Variants in ATRNL1 observed in about 807,000 individuals in gnomAD.
ATRNL1 encodes attractin like 1, also known as attractin-like protein 1.
ATRNL1 carries 95 observed loss-of-function variants against 182.7 expected under a neutral mutation model. The ratio of observed to expected loss-of-function variants is 0.52; its 90% confidence interval spans 0.44 to 0.62. The LOEUF is 0.62. ATRNL1 is among the 20% of genes least tolerant of loss of function. ATRNL1 has a pLI of 0.00. For synonymous variants in ATRNL1, 576 were observed against 568.3 expected (o/e 1.01, Z -0.19); for missense variants, 1,471 against 1,679.5 (o/e 0.88, Z 2.17).
chr10:115,883,343 G>C (rs1186119295), intron 28 of ATRNL1, among the ~76,000 whole-genome samples: 1 of 152,222 alleles, frequency 6.6e-6, no homozygotes, highest in African/African-American at 2.4e-5. Flanking sequence ...GAGTGAATGA[G>C]CTACAGCTGT....
intron 1 of ATRNL1, 99 bp downstream of exon 1, chr10:115,094,142 T>C: frequency 8.5e-7 from 1 of 1,177,320 alleles, no homozygotes; most frequent in Non-Finnish European, 1.1e-6. Flanking sequence ...CGTCGCTGCC[T>C]CTGATCCCCC....
intron 26 of ATRNL1, among the ~76,000 whole-genome samples, chr10:115,712,038 A>G (rs549606332): frequency 6.6e-6 from 1 of 152,282 alleles, no homozygotes; most frequent in East Asian, 1.9e-4. Context: ...ACCATTCTTC[A>G]GTATTTCTTA....
At chr10:115,275,893 C>T (rs1380722608) in intron 13 of ATRNL1, among the ~76,000 whole-genome samples, 1 of 152,126 alleles carries the variant, frequency 6.6e-6, no homozygotes, top group Non-Finnish European at 1.5e-5. Context: ...CACTGTGGGC[C>T]ACCTTTTGGT....
chr10:115,249,367 A>T (rs1554904888), intron 10 of ATRNL1, among the ~76,000 whole-genome samples: 1 of 152,190 alleles, frequency 6.6e-6, no homozygotes, highest in Non-Finnish European at 1.5e-5. Context: ...ATATATATGT[A>T]TATGTATATT....
intron 1 of ATRNL1, among the ~76,000 whole-genome samples, chr10:115,110,185 C>A (rs2143521316): frequency 6.6e-6 from 1 of 152,186 alleles, no homozygotes; most frequent in Non-Finnish European, 1.5e-5. Flanking sequence ...GCCCTTTTGA[C>A]TTTTATCCCT....
chr10:115,896,779 CA>C (rs1952219312), intron 28 of ATRNL1, among the ~76,000 whole-genome samples: 1 of 151,976 alleles, frequency 6.6e-6, no homozygotes, highest in Non-Finnish European at 1.5e-5. Context: ...GGAAGCTGTT[CA>C]AAAAATATGA....
intron 20 of ATRNL1, among the ~76,000 whole-genome samples, chr10:115,408,065 G>A (rs1423586455): frequency 2.9e-4 from 41 of 141,142 alleles, no homozygotes; most frequent in African/African-American, 8.4e-4. Flanking sequence ...CTGCAGTGGC[G>A]CAATCTCGGC....
At chr10:115,639,217 G>T (rs1335488337) in intron 26 of ATRNL1, among the ~76,000 whole-genome samples, 1 of 152,102 alleles carries the variant, frequency 6.6e-6, no homozygotes, top group Non-Finnish European at 1.5e-5. Flanking sequence ...TTAAACTATG[G>T]AGTCTGTAAA....
chr10:115,265,150 T>C, intron 10 of ATRNL1, 43 bp from the exon 11 acceptor site: 1 of 1,262,936 alleles, frequency 7.9e-7, no homozygotes, highest in Non-Finnish European at 1.1e-6. Flanking sequence ...TCTTAGTTTA[T>C]TCTTTTATTT....
intron 28 of ATRNL1, among the ~76,000 whole-genome samples, chr10:115,870,585 C>T (rs959933184): frequency 6.6e-6 from 1 of 152,204 alleles, no homozygotes; most frequent in East Asian, 1.9e-4. Flanking sequence ...ACTAAGTAAC[C>T]AGATTCCAAA....
At chr10:115,469,402 G>T (rs1848203615) in intron 24 of ATRNL1, 73 bp downstream of exon 24, 2 of 975,824 alleles carry the variant, frequency 2.0e-6, no homozygotes, top group African/African-American at 3.4e-5. Context: ...TGTCCAAAGT[G>T]ATGATATATG....
At chr10:115,381,045 T>C (rs550450249) in intron 19 of ATRNL1, among the ~76,000 whole-genome samples, 44 of 152,310 alleles carry the variant, frequency 2.9e-4, no homozygotes, top group African/African-American at 9.9e-4. Context: ...TTCCACAAAC[T>C]CTTATCATTA....
At chr10:115,658,467 CCTT>C (rs1243474910) in intron 26 of ATRNL1, among the ~76,000 whole-genome samples, 8 of 151,936 alleles carry the variant, frequency 5.3e-5, no homozygotes, top group Non-Finnish European at 8.8e-5. Flanking sequence ...CTATTAGTAT[CCTT>C]CTTCTGTGGA....
At chr10:115,554,571 C>T (rs1174371502) in intron 26 of ATRNL1, among the ~76,000 whole-genome samples, 9 of 151,254 alleles carry the variant, frequency 6.0e-5, no homozygotes, top group Admixed American at 5.3e-4. Flanking sequence ...AGATATAGGC[C>T]CCATTATTGG....
At chr10:115,845,830 T>C (rs1950915404) in intron 27 of ATRNL1, among the ~76,000 whole-genome samples, 1 of 152,214 alleles carries the variant, frequency 6.6e-6, no homozygotes, top group South Asian at 2.1e-4. Context: ...GTATGGTTTT[T>C]CCAATATATC....
Position 115,469,430 on chromosome 10 carries a change from C to T in ATRNL1, c.3654+101C>T, listed in dbSNP as rs1848205012. On this transcript the variant is annotated intron_variant, in intron 24 of 28. Transcript: ENST00000355044. The stretch of plus-strand genomic sequence containing the variant: ...GATATATGTACATTTCCTGACTTGA[C>T]TAATACAAAAACATGCATTGACCTT... 2.1e-5 allele frequency: 15 copies of T among 728,346 alleles called. No homozygotes were observed. The East Asian group carries it at 3.1e-4, about 15-fold the overall frequency. The allele number at this position is 728,346 out of a possible 1,614,324, so 45.1% of individuals were successfully genotyped here.
chr10:115,519,353 C>T (rs782398766), intron 25 of ATRNL1, 29 bp downstream of exon 25: 1 of 1,566,810 alleles, frequency 6.4e-7, no homozygotes, highest in Non-Finnish European at 8.8e-7. Context: ...TGACTTTGAA[C>T]TTTTCAAGCC....
At chr10:115,542,932 A>T (rs1315761566) in intron 25 of ATRNL1, among the ~76,000 whole-genome samples, 1 of 152,158 alleles carries the variant, frequency 6.6e-6, no homozygotes, top group African/African-American at 2.4e-5. Flanking sequence ...TCCTTTAAGG[A>T]CATTAATTAT....
intron 27 of ATRNL1, among the ~76,000 whole-genome samples, chr10:115,790,714 C>A (rs1949511372): frequency 6.6e-6 from 1 of 151,104 alleles, no homozygotes; most frequent in South Asian, 2.1e-4. Context: ...AAATTCCATG[C>A]CTAAGGTAAT....
Sources: allele counts gnomAD v4.1 joint callset (sites outside exome capture counted in the v4.1 genomes callset), GRCh38; gene constraint gnomAD v4.1.1; transcripts MANE v1.5; gene names NCBI Gene and HGNC (gene_info 2026-07-23, HGNC 2026-07-21).